AAK1: variants seen among roughly 807,000 people sequenced by gnomAD.
The protein encoded by AAK1 is AP2 associated kinase 1.
In AAK1, 37 loss-of-function variants were observed where a neutral mutation model predicts 116.0. That is an observed-to-expected ratio of 0.32 (90% CI 0.25 to 0.42). The LOEUF (loss-of-function observed/expected upper bound fraction) is 0.42, where lower values mean the gene tolerates loss of function less well. AAK1 is among the 10% of genes least tolerant of loss of function. The pLI, the probability that AAK1 is intolerant of heterozygous loss-of-function variation, is 1.00. For missense variants in AAK1, 919 were observed against 1,170.6 expected, an observed-to-expected ratio of 0.79 and a Z score of 3.14; for synonymous variants, 458 against 439.9, an observed-to-expected ratio of 1.04 and a Z score of -0.51.
intron 2 of AAK1, among the ~76,000 whole-genome samples, chr2:69,602,226 T>A (rs1228772586): frequency 3.3e-5 from 5 of 152,202 alleles, no homozygotes; most frequent in Non-Finnish European, 5.9e-5. Context: ...GATCCCAGAT[T>A]AAATCCTGAA....
In AAK1 at chr2:69,514,708, A is replaced by G. The variant is rs767870570; in HGVS notation, c.1539T>C (p.Ala513=). Reference sequence around the variant, plus strand: ...CTCCTTGGGACACCACAGGGAACTGAGCAATTGCTGGTTTCTGGGTTGCTG... The same window carrying G: ...CTCCTTGGGACACCACAGGGAACTGGGCAATTGCTGGTTTCTGGGTTGCTG... ...VHPATQKPAI[A]QFPVVSQGGS... The change falls in exon 13 of 22, where the codon GCT becomes GCC. Residue 513 remains alanine, a synonymous_variant. Transcript: ENST00000409085. 1.2e-6 allele frequency: 2 copies of G among 1,611,092 alleles called. No homozygotes were observed.
At chr2:69,480,781 G>T in intron 19 of AAK1, 79 bp downstream of exon 19, 1 of 1,238,172 alleles carries the variant, frequency 8.1e-7, no homozygotes, top group South Asian at 1.5e-5. Flanking sequence ...GCCCAGGAAC[G>T]ACTGAGCCAG....
chr2:69,562,992 A>T lies in AAK1; in HGVS notation c.164-6014T>A, dbSNP rs1451200401. The stretch of plus-strand genomic sequence containing the variant: ...AGCAGGAGGATTGCTTGGGCCCAGG[A>T]GGTTGAGGCTACAGTGAACTATGAT... On this transcript the variant is annotated intron_variant, in intron 2 of 21. Transcript: ENST00000409085. 2.6e-5 allele frequency among the ~76,000 whole-genome samples: 4 copies of T among 152,152 alleles called. No homozygotes were observed. The East Asian group carries it at 7.7e-4, about 29-fold the overall frequency.
chr2:69,538,510 T>C (rs1670570721), intron 5 of AAK1, among the ~76,000 whole-genome samples: 2 of 152,236 alleles, frequency 1.3e-5, no homozygotes, highest in Admixed American at 1.3e-4. Flanking sequence ...GGTAACTACG[T>C]AAGCTGGACA....
At position 69,472,865 on chromosome 2, in the gene AAK1, G is replaced by T. The variant is rs1674726426; in HGVS notation, c.*3004C>A. 24 of 985,660 alleles carry T rather than the reference G, an allele frequency of 2.4e-5. No individual in the cohort carries two copies. The highest frequency in any genetic ancestry group is 2.8e-5 in the Non-Finnish European group (23 of 829,834). 61.1% of individuals were successfully genotyped at this position (985,660 alleles called of 1,614,324 possible). A position where few individuals can be genotyped will look rare whatever the true frequency, so the allele number is the denominator to read the frequency against. On this transcript the variant is annotated 3_prime_UTR_variant, in exon 22 of 22. Transcript: ENST00000409085. ...CATGTGTTTCTGTAATACTTAAAAAGGAAAATCTCTAAGATTATGATTTAG... is the reference window on the plus strand; with the variant it reads ...CATGTGTTTCTGTAATACTTAAAAATGAAAATCTCTAAGATTATGATTTAG...
intron 2 of AAK1, among the ~76,000 whole-genome samples, chr2:69,617,678 C>A (rs1207317561): frequency 6.6e-6 from 1 of 152,122 alleles, no homozygotes; most frequent in Non-Finnish European, 1.5e-5. Context: ...TATGAGAGTG[C>A]AAACATCAGG....
chr2:69,481,048 T>C lies in AAK1; in HGVS notation c.2468-87A>G, dbSNP rs1675070978. 11 of 1,132,468 alleles carry C rather than the reference T, an allele frequency of 9.7e-6. No homozygotes were observed. The East Asian group carries it at 2.2e-4, about 22-fold the overall frequency. 70.2% of individuals were successfully genotyped at this position (1,132,468 alleles called of 1,614,324 possible). A position where few individuals can be genotyped will look rare whatever the true frequency, so the allele number is the denominator to read the frequency against. The stretch of plus-strand genomic sequence containing the variant: ...AGGAAATTCTGTGAAGCTTTCTTCT[T>C]TTTTTTTAATTCTCATTTTTTGAGA... On this transcript the variant is annotated intron_variant, in intron 18 of 21. Coordinates refer to ENST00000409085, the MANE Select transcript of AAK1 (RefSeq NM_014911.5).
At chr2:69,491,029 C>T (rs1034952785) in intron 17 of AAK1, among the ~76,000 whole-genome samples, 3 of 151,990 alleles carry the variant, frequency 2.0e-5, no homozygotes, top group Non-Finnish European at 4.4e-5. Flanking sequence ...CCTCAAACTC[C>T]TGGGCTCAAG....
chr2:69,625,637 AC>A (rs1042172763), intron 2 of AAK1, among the ~76,000 whole-genome samples: 2 of 152,216 alleles, frequency 1.3e-5, no homozygotes, highest in African/African-American at 4.8e-5. Flanking sequence ...AGTACTTTCC[AC>A]TTATGTCACG....
chr2:69,553,436 TG>T (rs1284215640), intron 3 of AAK1, among the ~76,000 whole-genome samples: 1 of 131,930 alleles, frequency 7.6e-6, no homozygotes, highest in Non-Finnish European at 1.6e-5. Flanking sequence ...AATTGAAAGT[TG>T]TTTTTTTTTT....
chr2:69,614,645 T>C (rs1275922001), intron 2 of AAK1, among the ~76,000 whole-genome samples: 1 of 152,222 alleles, frequency 6.6e-6, no homozygotes, highest in Non-Finnish European at 1.5e-5. Flanking sequence ...GAAAGGTCCA[T>C]GTCCTAAGCC....
chr2:69,597,976 A>G (rs895010939), intron 2 of AAK1: 1 of 315,322 alleles, frequency 3.2e-6, no homozygotes, highest in African/African-American at 2.2e-5. Context: ...ATGAAAAAAA[A>G]GTGTTGGTGG....
chr2:69,630,708 A>G (rs17036871), intron 2 of AAK1, among the ~76,000 whole-genome samples: 2,295 of 152,310 alleles, frequency 0.015, 60 homozygotes, highest in African/African-American at 0.051. Flanking sequence ...CTTTTAAACC[A>G]TCACACACAG....
At chr2:69,631,660 C>T (rs1002164615) in intron 2 of AAK1, among the ~76,000 whole-genome samples, 1 of 152,198 alleles carries the variant, frequency 6.6e-6, no homozygotes, top group African/African-American at 2.4e-5. Flanking sequence ...ATCCTCTTTC[C>T]TAACAATTAC....
chr2:69,568,988 A>G (rs1671988342), intron 2 of AAK1, among the ~76,000 whole-genome samples: 1 of 152,098 alleles, frequency 6.6e-6, no homozygotes, highest in South Asian at 2.1e-4. Context: ...TAAGAATTCT[A>G]TCCCCAAACC....
chr2:69,483,450 T>C (rs1016626309), intron 17 of AAK1, among the ~76,000 whole-genome samples: 5 of 152,258 alleles, frequency 3.3e-5, no homozygotes, highest in African/African-American at 1.2e-4. Flanking sequence ...TGTATGGCTG[T>C]ACCACACTTT....
rs753574692 is a variant in AAK1, at chr2:69,466,346, G to A, written c.*9523C>T. On this transcript the variant is annotated 3_prime_UTR_variant, in exon 22 of 22. Transcript: ENST00000409085. ...TGCAGTCCAGCATGTCTCCTTCAAGGTCAGTCCCTTCCTCTTCGCTGCTGT... is the reference window on the plus strand; with the variant it reads ...TGCAGTCCAGCATGTCTCCTTCAAGATCAGTCCCTTCCTCTTCGCTGCTGT... 1 of 1,289,818 alleles carries A rather than the reference G, an allele frequency of 7.8e-7. No homozygotes were observed. The highest frequency in any genetic ancestry group is 1.0e-6 in the Non-Finnish European group (1 of 988,874). 79.9% of individuals were successfully genotyped at this position (1,289,818 alleles called of 1,614,324 possible). A position where few individuals can be genotyped will look rare whatever the true frequency, so the allele number is the denominator to read the frequency against.
intron 2 of AAK1, among the ~76,000 whole-genome samples, chr2:69,600,687 A>G (rs1446633915): frequency 6.6e-6 from 1 of 152,234 alleles, no homozygotes; most frequent in East Asian, 1.9e-4. Context: ...TTAGAATTAC[A>G]TCAACTTAGC....
chr2:69,621,982 G>A (rs991200975), intron 2 of AAK1, among the ~76,000 whole-genome samples: 4 of 152,238 alleles, frequency 2.6e-5, no homozygotes, highest in Admixed American at 6.5e-5. Context: ...CACTCTGGCC[G>A]TGCTTGAGGA....
Sources: gnomAD v4.1 joint callset for allele counts (sites outside exome capture counted in the v4.1 genomes callset) on GRCh38, gnomAD v4.1.1 for gene constraint, MANE v1.5 for transcripts, NCBI Gene and HGNC (gene_info 2026-07-23, HGNC 2026-07-21) for gene names.